The following EFCAB5 variants were observed in gnomAD, a reference collection of about 807,000 sequenced individuals.
EFCAB5 encodes EF-hand calcium-binding domain-containing protein 5.
Under a neutral mutation model 167.9 loss-of-function variants are expected in EFCAB5, and 131 were observed. The observed-to-expected ratio is 0.78, with a 90% CI of 0.68 to 0.90. The LOEUF (loss-of-function observed/expected upper bound fraction) is 0.90, where lower values mean the gene tolerates loss of function less well. Ranked by LOEUF, EFCAB5 falls within the 40% of genes least tolerant of loss-of-function variation. The pLI is 0.00. For missense variants in EFCAB5, 1,663 were observed against 1,745.2 expected, an observed-to-expected ratio of 0.95 and a Z score of 0.84; for synonymous variants, 574 against 602.8, an observed-to-expected ratio of 0.95 and a Z score of 0.70.
intron 4 of EFCAB5, among the ~76,000 whole-genome samples, chr17:29,979,002 G>C (rs1169416936): frequency 6.6e-6 from 1 of 152,130 alleles, no homozygotes; most frequent in Non-Finnish European, 1.5e-5. Flanking sequence ...CCTCTGCCCT[G>C]CTCTTGCTTT....
At chr17:29,934,795 C>T (rs1597545219) in intron 1 of EFCAB5, among the ~76,000 whole-genome samples, 2 of 152,138 alleles carry the variant, frequency 1.3e-5, no homozygotes, top group South Asian at 2.1e-4. Flanking sequence ...TATTCACACC[C>T]TGATTTTGGG....
At chr17:30,054,884 G>A (rs968680570) in intron 10 of EFCAB5, among the ~76,000 whole-genome samples, 1 of 152,174 alleles carries the variant, frequency 6.6e-6, no homozygotes, top group African/African-American at 2.4e-5. Context: ...TTATGTTGCA[G>A]TACTCTTGTT....
intron 4 of EFCAB5, among the ~76,000 whole-genome samples, chr17:29,985,484 G>A (rs2068262082): frequency 6.6e-6 from 1 of 152,192 alleles, no homozygotes; most frequent in Admixed American, 6.5e-5. Context: ...TGTGGAGTGG[G>A]AAATAAGGGC....
chr17:30,042,739 AT>A (rs1200122914), intron 8 of EFCAB5, among the ~76,000 whole-genome samples: 1 of 152,226 alleles, frequency 6.6e-6, no homozygotes, highest in Non-Finnish European at 1.5e-5. Context: ...TCAAATCTAC[AT>A]AAACTCTTTG....
intron 1 of EFCAB5, among the ~76,000 whole-genome samples, chr17:29,935,986 G>C (rs1379176842): frequency 6.6e-6 from 1 of 152,074 alleles, no homozygotes; most frequent in African/African-American, 2.4e-5. Flanking sequence ...CTACAAACTG[G>C]ATTCAGCTGT....
intron 3 of EFCAB5, among the ~76,000 whole-genome samples, chr17:29,961,374 T>A (rs1173021641): frequency 1.3e-5 from 2 of 152,238 alleles, no homozygotes; most frequent in Admixed American, 6.5e-5. Flanking sequence ...ATCAGTTATA[T>A]GCTTTACAAA....
At chr17:30,068,825 T>A in intron 14 of EFCAB5, 4 of 1,403,000 alleles carry the variant, frequency 2.9e-6, no homozygotes, top group Non-Finnish European at 4.0e-6. Context: ...CTGAGAGATT[T>A]TCTTCTGGAA....
chr17:29,956,512 G>A (rs561973021), intron 3 of EFCAB5, among the ~76,000 whole-genome samples: 1 of 152,378 alleles, frequency 6.6e-6, no homozygotes, highest in Non-Finnish European at 1.5e-5. Context: ...AAGTTTGGCT[G>A]CTGTGATTGG....
intron 4 of EFCAB5, among the ~76,000 whole-genome samples, chr17:29,987,214 C>T (rs577125407): frequency 5.9e-5 from 9 of 152,204 alleles, no homozygotes; most frequent in African/African-American, 2.2e-4. Flanking sequence ...GATCTGTCCC[C>T]AGGTAGGTGG....
intron 7 of EFCAB5, among the ~76,000 whole-genome samples, chr17:30,015,593 A>T (rs539434008): frequency 6.6e-6 from 1 of 152,258 alleles, no homozygotes; most frequent in South Asian, 2.1e-4. Context: ...AAGGGTTGCA[A>T]TTGTTTCACA....
chr17:29,934,860 G>T (rs186567092), intron 1 of EFCAB5, among the ~76,000 whole-genome samples: 6 of 152,260 alleles, frequency 3.9e-5, no homozygotes, highest in African/African-American at 7.2e-5. Context: ...GAATTACCTA[G>T]ATTTATCAAC....
chr17:30,033,147 C>T (rs2069523340), intron 7 of EFCAB5, among the ~76,000 whole-genome samples: 1 of 151,652 alleles, frequency 6.6e-6, no homozygotes, highest in South Asian at 2.1e-4. Context: ...GGCGCCATCT[C>T]GGCTCACTGC....
chr17:30,085,255 A>G (rs1014785893), intron 18 of EFCAB5, among the ~76,000 whole-genome samples: 5 of 152,188 alleles, frequency 3.3e-5, no homozygotes, highest in Non-Finnish European at 7.3e-5. Context: ...AACAGTAACC[A>G]TAGATGAGTA....
chr17:30,103,666 T>C (rs2071408850), intron 22 of EFCAB5, among the ~76,000 whole-genome samples: 1 of 152,206 alleles, frequency 6.6e-6, no homozygotes, highest in African/African-American at 2.4e-5. Context: ...ACATATTAAA[T>C]TCCTGATTGC....
At chr17:30,015,759 C>CTTTTTTTTTTTTTTTTT (rs71138866) in intron 7 of EFCAB5, among the ~76,000 whole-genome samples, 1 of 130,566 alleles carries the variant, frequency 7.7e-6, no homozygotes. Context: ...TTGGTTATTT[C>CTTTTTTTTTTTTTTTTT]TTTTTTTTTT....
chr17:30,083,711 C>G (rs1431129089), intron 18 of EFCAB5, among the ~76,000 whole-genome samples: 1 of 152,174 alleles, frequency 6.6e-6, no homozygotes, highest in African/African-American at 2.4e-5. Context: ...ACCTCAGCCT[C>G]CCAAAATGCT....
intron 3 of EFCAB5, among the ~76,000 whole-genome samples, chr17:29,963,950 CT>C (rs2067773253): frequency 2.0e-5 from 3 of 152,086 alleles, no homozygotes; most frequent in African/African-American, 7.2e-5. Flanking sequence ...CTCTCTCTCT[CT>C]TGCTCCCTCT....
intron 22 of EFCAB5, among the ~76,000 whole-genome samples, chr17:30,097,191 G>A (rs1412266392): frequency 6.6e-6 from 1 of 151,738 alleles, no homozygotes; most frequent in East Asian, 1.9e-4. Context: ...CGAGTAGCTG[G>A]GATTACAGGC....
chr17:30,090,642 T>A lies in EFCAB5; in HGVS notation c.3905T>A (p.Phe1302Tyr). 6.2e-7 allele frequency: 1 copy of A among 1,613,368 alleles called. No homozygotes were observed. ...QVACYEILGE[F>Y]SGEIKKKYIL... The stretch of plus-strand genomic sequence containing the variant: ...GCCTGCTATGAAATACTTGGCGAGT[T>A]CTCTGGAGAGATAAAGAAAAAATAT... The change falls in exon 20 of 23, where the codon TTC becomes TAC. Residue 1302 changes from phenylalanine to tyrosine, a missense_variant. Transcript: ENST00000394835.
Sources: allele counts gnomAD v4.1 joint callset (sites outside exome capture counted in the v4.1 genomes callset), GRCh38; gene constraint gnomAD v4.1.1; transcripts MANE v1.5; gene names NCBI Gene and HGNC (gene_info 2026-07-23, HGNC 2026-07-21).